COX7A2L: variants seen among roughly 807,000 people sequenced by gnomAD.
COX7A2L encodes the protein cytochrome c oxidase subunit 7A2 like, also known as cytochrome c oxidase subunit 7A2-like, mitochondrial.
In COX7A2L, 18 loss-of-function variants were observed where a neutral mutation model predicts 14.2. The ratio of observed to expected loss-of-function variants is 1.27; its 90% CI spans 0.88 to 1.88. The LOEUF is 1.88. Ranked by LOEUF, COX7A2L falls within the 40% of genes most tolerant of loss-of-function variation. The pLI, the probability that COX7A2L is intolerant of heterozygous loss-of-function variation, is 0.00. For missense variants in COX7A2L, 179 were observed against 138.8 expected (o/e 1.29, Z -1.46); for synonymous variants, 65 against 57.4 (o/e 1.13, Z -0.60).
At chr2:42,366,423 CA>C (rs1181919847) in intron 1 of COX7A2L, among the ~76,000 whole-genome samples, 1 of 151,860 alleles carries the variant, frequency 6.6e-6, no homozygotes, top group South Asian at 2.1e-4. Flanking sequence ...GACCCTGTCT[CA>C]AAAAAACAAA....
intron 2 of COX7A2L, among the ~76,000 whole-genome samples, chr2:42,341,346 C>CA (rs1285735568): frequency 6.6e-6 from 1 of 152,152 alleles, no homozygotes; most frequent in Non-Finnish European, 1.5e-5. Context: ...CAGGGGGCAG[C>CA]ACACTTCCCT....
At chr2:42,366,684 T>C (rs931901977) in intron 1 of COX7A2L, among the ~76,000 whole-genome samples, 1 of 152,356 alleles carries the variant, frequency 6.6e-6, no homozygotes, top group Admixed American at 6.5e-5. Context: ...CTGCAGTCAC[T>C]GATATTGCCC....
In COX7A2L at chr2:42,338,020, G is replaced by A. The variant is rs924616386; in HGVS notation, c.193-4151C>T. Among the ~76,000 whole-genome samples the A allele has an allele frequency of 6.6e-6, 1 of 152,206 alleles. No homozygotes were observed. Among genetic ancestry groups the A allele is most frequent in the African/African-American group, 2.4e-5 (1 of 41,466 alleles). ...GAAGCCTAGGCGAGGGAGGGTGTCA[G>A]TCTGGGGTATGACTGTGAAGCTCAG... On this transcript the variant is annotated intron_variant, in intron 2 of 2. Transcript: ENST00000468711. The surrounding 1 kb of genome is among the most constrained non-coding windows in gnomAD (Gnocchi z 4.4).
intron 2 of COX7A2L, among the ~76,000 whole-genome samples, chr2:42,344,050 T>C (rs937378758): frequency 2.0e-5 from 3 of 152,194 alleles, no homozygotes; most frequent in Non-Finnish European, 4.4e-5. Context: ...AAGTGTAAAG[T>C]AGCCATTTTC....
intron 2 of COX7A2L, among the ~76,000 whole-genome samples, chr2:42,343,348 G>T (rs1670436782): frequency 6.6e-6 from 1 of 152,232 alleles, no homozygotes; most frequent in Non-Finnish European, 1.5e-5. Context: ...CCCTGAAAAT[G>T]ACCCTAAGCA....
Position 42,338,465 on chromosome 2 carries a change from C to A in COX7A2L, c.193-4596G>T, listed in dbSNP as rs1475322829. ...GAGCGACAGGCCCCAGCTATGCTGG[C>A]AAGATCTGTGTTGATGTGGCCTGCC... On this transcript the variant is annotated intron_variant, in intron 2 of 2. Transcript: ENST00000468711. This position sits in a 1 kb window ranked among gnomAD's most constrained non-coding sequence, Gnocchi z 4.4. Among the ~76,000 whole-genome samples the A allele has an allele frequency of 6.6e-6, 1 of 152,244 alleles. No homozygotes were observed. The highest frequency in any genetic ancestry group is 1.5e-5 in the Non-Finnish European group (1 of 68,044).
In COX7A2L at chr2:42,349,409, A is replaced by C. The variant is rs1411595099; in HGVS notation, c.*1810T>G. On this transcript the variant is annotated 3_prime_UTR_variant, in exon 3 of 3. Transcript: ENST00000234301. The stretch of plus-strand genomic sequence containing the variant: ...GGAAAGACAAATCCATAGAGACTGA[A>C]AGTAGATGAGTGCTTGCTTTGGGCT... 1 of 152,178 alleles carries C rather than the reference A, an allele frequency of 6.6e-6. No individual in the cohort carries two copies. Among genetic ancestry groups the C allele is most frequent in the Non-Finnish European group, 1.5e-5 (1 of 68,032 alleles). 9.4% of individuals were successfully genotyped at this position (152,178 alleles called of 1,614,324 possible).
intron 2 of COX7A2L, among the ~76,000 whole-genome samples, chr2:42,337,420 G>A (rs1670304375): frequency 6.6e-6 from 1 of 152,146 alleles, no homozygotes; most frequent in African/African-American, 2.4e-5. Flanking sequence ...CAAAACTACA[G>A]AGACAGAGAA....
At chr2:42,344,145 T>C (rs1670451522) in intron 2 of COX7A2L, among the ~76,000 whole-genome samples, 1 of 152,226 alleles carries the variant, frequency 6.6e-6, no homozygotes, top group Non-Finnish European at 1.5e-5. Context: ...TCATTTTAAA[T>C]TTAAATAGTT....
At chr2:42,364,630 C>A (rs1050334382), upstream of COX7A2L, among the ~76,000 whole-genome samples, 1 of 152,158 alleles carries the variant, frequency 6.6e-6, no homozygotes, top group African/African-American at 2.4e-5. Context: ...CAGCTGTCAT[C>A]TCTTACTGTT....
chr2:42,360,223 G>C (rs1224839648), intron 1 of COX7A2L, among the ~76,000 whole-genome samples: 1 of 152,162 alleles, frequency 6.6e-6, no homozygotes, highest in African/African-American at 2.4e-5. Flanking sequence ...ACAGCTTCTG[G>C]TGAACAGTTA....
intron 1 of COX7A2L, among the ~76,000 whole-genome samples, chr2:42,358,775 T>G (rs1670913116): frequency 6.6e-6 from 1 of 152,208 alleles, no homozygotes; most frequent in African/African-American, 2.4e-5. Flanking sequence ...TGCCAGTTTT[T>G]AGTCGAAAAA....
At chr2:42,347,335 A>G (rs571433039), downstream of COX7A2L, among the ~76,000 whole-genome samples, 2 of 139,180 alleles carry the variant, frequency 1.4e-5, no homozygotes, top group East Asian at 4.3e-4. Context: ...TTTAGTAATT[A>G]GCACTATTGA....
At chr2:42,340,259 G>A (rs561732576) in intron 2 of COX7A2L, among the ~76,000 whole-genome samples, 7 of 152,232 alleles carry the variant, frequency 4.6e-5, no homozygotes, top group Middle Eastern at 3.4e-3. Context: ...CTCCAGGGAC[G>A]GGCAGTTGTC....
At chr2:42,343,062 G>A (rs1423681057) in intron 2 of COX7A2L, among the ~76,000 whole-genome samples, 1 of 152,138 alleles carries the variant, frequency 6.6e-6, no homozygotes, top group Non-Finnish European at 1.5e-5. Flanking sequence ...CACTGCTCTC[G>A]TTCACGTCAT....
upstream of COX7A2L, among the ~76,000 whole-genome samples, chr2:42,362,660 C>T (rs1260700303): frequency 6.6e-6 from 1 of 152,124 alleles, no homozygotes; most frequent in African/African-American, 2.4e-5. Context: ...GGGTGTACAC[C>T]AGCATCCTGG....
chr2:42,364,561 A>G (rs1170518065), upstream of COX7A2L, among the ~76,000 whole-genome samples: 1 of 152,204 alleles, frequency 6.6e-6, no homozygotes, highest in East Asian at 1.9e-4. Flanking sequence ...ACTTTATGAT[A>G]TTCAGAATGA....
upstream of COX7A2L, among the ~76,000 whole-genome samples, chr2:42,362,745 A>C (rs1393864553): frequency 6.6e-6 from 1 of 152,234 alleles, no homozygotes; most frequent in Non-Finnish European, 1.5e-5. Flanking sequence ...GAATTCATGT[A>C]AGCCAGCCCA....
intron 1 of COX7A2L, among the ~76,000 whole-genome samples, chr2:42,358,081 G>A (rs1451963032): frequency 6.6e-6 from 1 of 152,106 alleles, no homozygotes; most frequent in Non-Finnish European, 1.5e-5. Flanking sequence ...GTTTTCCAAA[G>A]TGGCTGCGTC....
Sources: gnomAD v4.1 joint callset for allele counts (sites outside exome capture counted in the v4.1 genomes callset) on GRCh38, gnomAD v4.1.1 for gene constraint, Gnocchi (gnomAD v3.1) non-coding constraint, MANE v1.5 for transcripts, NCBI Gene and HGNC (gene_info 2026-07-23, HGNC 2026-07-21) for gene names.